The following ARHGEF38 variants were observed in gnomAD, a reference collection of about 807,000 sequenced individuals.
ARHGEF38 encodes Rho guanine nucleotide exchange factor (GEF) 38.
ARHGEF38 carries 79 observed loss-of-function variants against 79.9 expected under a neutral mutation model. The observed-to-expected ratio is 0.99, with a 90% CI of 0.82 to 1.19. The LOEUF (loss-of-function observed/expected upper bound fraction) is 1.19, where lower values mean the gene tolerates loss of function less well. ARHGEF38 is among the 50% of genes most tolerant of loss of function. The pLI, the probability that ARHGEF38 is intolerant of heterozygous loss-of-function variation, is 0.00. For synonymous variants in ARHGEF38, 366 were observed against 328.3 expected (o/e 1.11, Z -1.24); for missense variants, 962 against 907.2 (o/e 1.06, Z -0.78).
intron 2 of ARHGEF38, among the ~76,000 whole-genome samples, chr4:105,593,680 G>A (rs1037734363): frequency 2.0e-5 from 3 of 152,156 alleles, no homozygotes; most frequent in Admixed American, 2.0e-4. Context: ...CTGCTACATT[G>A]GTGAGTCAAA....
At chr4:105,579,987 C>T (rs796285785) in intron 1 of ARHGEF38, among the ~76,000 whole-genome samples, 3 of 152,182 alleles carry the variant, frequency 2.0e-5, no homozygotes, top group African/African-American at 7.2e-5. Context: ...GGAATTTATC[C>T]ATTTCATCTA....
At chr4:105,553,669 A>G (rs1379090894) in intron 1 of ARHGEF38, among the ~76,000 whole-genome samples, 2 of 152,218 alleles carry the variant, frequency 1.3e-5, no homozygotes, top group Non-Finnish European at 2.9e-5. Flanking sequence ...GCCTTAATCT[A>G]TATCCTGTCC....
In ARHGEF38 at chr4:105,658,963, G is replaced by T; in HGVS notation, c.1234-91G>T. 8 of 1,136,096 alleles carry T rather than the reference G, an allele frequency of 7.0e-6. No homozygotes were observed. The South Asian group carries it at 1.2e-4, about 16-fold the overall frequency. The allele number at this position is 1,136,096 out of a possible 1,614,324, so 70.4% of individuals were successfully genotyped here. ...TTTCCTGTTTTCTTTTGTGCTTCTCGTGGGGGAAAAGGTAAACCTATGGAT... is the reference window on the plus strand; with the variant it reads ...TTTCCTGTTTTCTTTTGTGCTTCTCTTGGGGGAAAAGGTAAACCTATGGAT... On this transcript the variant is annotated intron_variant, in intron 9 of 13. Coordinates refer to ENST00000420470, the MANE Select transcript of ARHGEF38 (RefSeq NM_001242729.2).
chr4:105,623,254 G>A (rs192742089), intron 3 of ARHGEF38, among the ~76,000 whole-genome samples: 5 of 152,196 alleles, frequency 3.3e-5, no homozygotes, highest in Admixed American at 2.0e-4. Flanking sequence ...GCATTGGCTG[G>A]CACACAGAGG....
intron 2 of ARHGEF38, among the ~76,000 whole-genome samples, chr4:105,600,888 T>G (rs1232600623): frequency 2.0e-5 from 3 of 152,194 alleles, no homozygotes. Flanking sequence ...GCAAATTCTT[T>G]AGTTCTGCCT....
At chr4:105,682,457 A>G, downstream of ARHGEF38, 1 of 297,728 alleles carries the variant, frequency 3.4e-6, no homozygotes, top group Non-Finnish European at 6.2e-6. Flanking sequence ...CCTTAAATTC[A>G]CAGATGCTTT....
At chr4:105,611,821 T>A (rs556889511) in intron 2 of ARHGEF38, among the ~76,000 whole-genome samples, 1 of 152,188 alleles carries the variant, frequency 6.6e-6, no homozygotes, top group South Asian at 2.1e-4. Context: ...TCAGAATACA[T>A]AAAACTAGTT....
chr4:105,565,003 A>G (rs1560687487), intron 1 of ARHGEF38, among the ~76,000 whole-genome samples: 1 of 151,924 alleles, frequency 6.6e-6, no homozygotes, highest in Non-Finnish European at 1.5e-5. Context: ...CATTTATTTA[A>G]CTCCTCATTG....
intron 2 of ARHGEF38, among the ~76,000 whole-genome samples, chr4:105,611,018 C>T (rs979979043): frequency 2.6e-5 from 4 of 152,072 alleles, no homozygotes; most frequent in African/African-American, 9.7e-5. Flanking sequence ...ATTTCTGAAT[C>T]CAGTTCTCCC....
chr4:105,561,533 TA>T lies in ARHGEF38; in HGVS notation c.196+8573del, dbSNP rs1560684922. ...TAGAATAGAATAGAATAGAATAGAA[TA>T]GAATAGAAAAGTTTCTTTCCCCAGA... On this transcript the variant is annotated intron_variant, in intron 1 of 13. Coordinates refer to ENST00000420470, the MANE Select transcript of ARHGEF38 (RefSeq NM_001242729.2). The T allele has an allele frequency of 2.5e-4, 37 of 148,166 alleles. 2 individuals are homozygous for T. The highest frequency in any genetic ancestry group is 3.5e-3 in the Middle Eastern group (1 of 284). The allele number at this position is 148,166 out of a possible 1,614,324, so 9.2% of individuals were successfully genotyped here.
chr4:105,556,759 G>A (rs774278331), intron 1 of ARHGEF38, among the ~76,000 whole-genome samples: 3 of 152,054 alleles, frequency 2.0e-5, no homozygotes, highest in Non-Finnish European at 4.4e-5. Flanking sequence ...GAATGATCAG[G>A]CCCAAGCAGG....
chr4:105,680,552 T>C lies in ARHGEF38; in HGVS notation c.*2615T>C, dbSNP rs1311582155. On this transcript the variant is annotated 3_prime_UTR_variant, in exon 14 of 14. Coordinates refer to ENST00000420470, the MANE Select transcript of ARHGEF38 (RefSeq NM_001242729.2). ...CTGGCTACTTTCATTACTGCTCAGT[T>C]AAAGGGTCTTGTAGCTCATTTTATG... 1 of 150,616 alleles carries C rather than the reference T, an allele frequency of 6.6e-6. No individual in the cohort carries two copies. Among genetic ancestry groups the C allele is most frequent in the African/African-American group, 2.6e-5 (1 of 39,102 alleles). The allele number at this position is 150,616 out of a possible 1,614,324, so 9.3% of individuals were successfully genotyped here. A position where few individuals can be genotyped will look rare whatever the true frequency, so the allele number is the denominator to read the frequency against.
At chr4:105,572,144 TAAG>T (rs1726268793) in intron 1 of ARHGEF38, among the ~76,000 whole-genome samples, 1 of 151,470 alleles carries the variant, frequency 6.6e-6, no homozygotes, top group South Asian at 2.1e-4. Flanking sequence ...GACTTTTTTT[TAAG>T]AAGAGAAGAT....
At chr4:105,558,436 G>C (rs750431169) in intron 1 of ARHGEF38, among the ~76,000 whole-genome samples, 10 of 152,050 alleles carry the variant, frequency 6.6e-5, no homozygotes, top group Non-Finnish European at 1.3e-4. Flanking sequence ...CCCTTTATCT[G>C]CCTTCATACA....
At chr4:105,634,992 G>T (rs1037028604) in intron 4 of ARHGEF38, among the ~76,000 whole-genome samples, 2 of 152,084 alleles carry the variant, frequency 1.3e-5, no homozygotes, top group Non-Finnish European at 2.9e-5. Context: ...AGTGTTCCAA[G>T]TAAAAATTAA....
intron 1 of ARHGEF38, among the ~76,000 whole-genome samples, chr4:105,584,105 G>A (rs1726921392): frequency 6.6e-6 from 1 of 152,196 alleles, no homozygotes; most frequent in Non-Finnish European, 1.5e-5. Flanking sequence ...GACAACAGCA[G>A]TGTCTGACAC....
chr4:105,567,932 C>T (rs1469003969), intron 1 of ARHGEF38, among the ~76,000 whole-genome samples: 22 of 130,600 alleles, frequency 1.7e-4, no homozygotes, highest in African/African-American at 5.7e-4. Flanking sequence ...CCCTCCCCCC[C>T]TCCCCCCACC....
At chr4:105,664,512 A>G (rs1283868854) in intron 10 of ARHGEF38, among the ~76,000 whole-genome samples, 1 of 152,064 alleles carries the variant, frequency 6.6e-6, no homozygotes, top group East Asian at 1.9e-4. Flanking sequence ...TGCTATAGTC[A>G]GACACACTCT....
intron 13 of ARHGEF38, among the ~76,000 whole-genome samples, chr4:105,669,782 A>G (rs755188260): frequency 6.6e-6 from 1 of 152,052 alleles, no homozygotes; most frequent in Non-Finnish European, 1.5e-5. Flanking sequence ...CTTTGCACCC[A>G]TTTGTAGTCC....
Sources: allele counts gnomAD v4.1 joint callset (sites outside exome capture counted in the v4.1 genomes callset), GRCh38; gene constraint gnomAD v4.1.1; transcripts MANE v1.5; gene names NCBI Gene and HGNC (gene_info 2026-07-23, HGNC 2026-07-21).